Variants in NXPE2 observed in about 807,000 individuals in gnomAD.
The protein encoded by NXPE2 is NXPE family member 2.
NXPE2 carries 34 observed loss-of-function variants against 34.4 expected under a neutral mutation model. The ratio of observed to expected loss-of-function variants is 0.99; its 90% CI spans 0.75 to 1.31. The LOEUF (loss-of-function observed/expected upper bound fraction) is 1.31, where lower values mean the gene tolerates loss of function less well. Ranked by LOEUF, NXPE2 falls within the 40% of genes most tolerant of loss-of-function variation. The pLI is 0.00. For missense variants in NXPE2, 649 were observed against 672.5 expected (o/e 0.97, Z 0.39); for synonymous variants, 235 against 231.3 (o/e 1.02, Z -0.15).
the NXPE2 span, among the ~76,000 whole-genome samples, chr11:114,605,119 G>C: frequency 6.7e-6 from 1 of 149,546 alleles, no homozygotes; most frequent in Admixed American, 6.6e-5. Context: ...CCCTGTGGAA[G>C]ATAAGTGTTG....
chr11:114,627,535 G>T, the NXPE2 span, among the ~76,000 whole-genome samples: 22 of 150,748 alleles, frequency 1.5e-4, no homozygotes, highest in African/African-American at 5.1e-4. Context: ...AACATGGAAA[G>T]GAACAACCGG....
At chr11:114,606,029 G>A in the NXPE2 span, among the ~76,000 whole-genome samples, 153 of 151,752 alleles carry the variant, frequency 1.0e-3, 2 homozygotes, top group Admixed American at 8.4e-3. Flanking sequence ...ACTGTTACCA[G>A]GAGGATAATA....
the NXPE2 span, among the ~76,000 whole-genome samples, chr11:114,605,807 C>T: frequency 2.6e-5 from 4 of 151,620 alleles, no homozygotes; most frequent in African/African-American, 4.9e-5. Flanking sequence ...TCTAGGGTTA[C>T]CACTGTTACG....
the NXPE2 span, among the ~76,000 whole-genome samples, chr11:114,781,787 TACAA>T: frequency 1.3e-5 from 2 of 151,908 alleles, no homozygotes; most frequent in Admixed American, 1.3e-4. Context: ...CCACCAGGAG[TACAA>T]ACAGACTCCC....
chr11:114,691,687 C>T (rs898692079), intron 2 of NXPE2, among the ~76,000 whole-genome samples: 2 of 152,220 alleles, frequency 1.3e-5, no homozygotes, highest in African/African-American at 2.4e-5. Flanking sequence ...CTCCTCTCCA[C>T]GTCCATTCCT....
the NXPE2 span, among the ~76,000 whole-genome samples, chr11:114,614,632 T>G: frequency 6.9e-6 from 1 of 144,644 alleles, no homozygotes. Flanking sequence ...CCTGGTGGAT[T>G]ATAAGTATTG....
chr11:114,608,016 G>A, the NXPE2 span, among the ~76,000 whole-genome samples: 2 of 150,866 alleles, frequency 1.3e-5, no homozygotes, highest in Admixed American at 1.3e-4. Flanking sequence ...TGTTGCCTCA[G>A]GGAAACCACT....
the NXPE2 span, among the ~76,000 whole-genome samples, chr11:114,713,544 T>C: frequency 9.2e-5 from 14 of 152,240 alleles, no homozygotes; most frequent in African/African-American, 3.4e-4. Context: ...TATACATGGG[T>C]TTAACATCCT....
chr11:114,492,979 T>A, the NXPE2 span, among the ~76,000 whole-genome samples: 1 of 152,218 alleles, frequency 6.6e-6, no homozygotes, highest in Admixed American at 6.5e-5. Flanking sequence ...CATATCTGGG[T>A]GCTCCAATGT....
the NXPE2 span, among the ~76,000 whole-genome samples, chr11:114,475,398 C>T: frequency 2.0e-5 from 3 of 152,004 alleles, no homozygotes; most frequent in Middle Eastern, 6.8e-3. Flanking sequence ...TGTGTGTCAC[C>T]ATGCCCACCT....
chr11:114,618,232 A>G, the NXPE2 span, among the ~76,000 whole-genome samples: 137 of 152,080 alleles, frequency 9.0e-4, 2 homozygotes, highest in African/African-American at 3.1e-3. Flanking sequence ...GGAGGATAAT[A>G]AGGATTGTCT....
At chr11:114,642,657 C>T in the NXPE2 span, among the ~76,000 whole-genome samples, 11,639 of 152,130 alleles carry the variant, frequency 0.077, 507 homozygotes, top group South Asian at 0.1. Flanking sequence ...TTTATCCAGT[C>T]TATTATTGAT....
chr11:114,782,298 A>C, the NXPE2 span, among the ~76,000 whole-genome samples: 1 of 152,210 alleles, frequency 6.6e-6, no homozygotes, highest in African/African-American at 2.4e-5. Context: ...GGCCTGAGTG[A>C]TAACCTGTGC....
the NXPE2 span, among the ~76,000 whole-genome samples, chr11:114,639,467 GC>G: frequency 6.6e-6 from 1 of 151,456 alleles, no homozygotes; most frequent in East Asian, 1.9e-4. Flanking sequence ...ACGCTGCGCT[GC>G]CCCCACTGTC....
the NXPE2 span, among the ~76,000 whole-genome samples, chr11:114,787,839 C>T: frequency 6.6e-6 from 1 of 152,098 alleles, no homozygotes; most frequent in African/African-American, 2.4e-5. Context: ...TGCCCGTGTC[C>T]ATCCCCCATT....
At chr11:114,784,782 A>G in the NXPE2 span, among the ~76,000 whole-genome samples, 2 of 152,198 alleles carry the variant, frequency 1.3e-5, no homozygotes, top group Non-Finnish European at 2.9e-5. Flanking sequence ...CAAATAGTGC[A>G]GGCCCCAAAT....
chr11:114,653,653 G>A, the NXPE2 span, among the ~76,000 whole-genome samples: 1 of 149,512 alleles, frequency 6.7e-6, no homozygotes, highest in East Asian at 2.0e-4. Flanking sequence ...TTAGCCTCCC[G>A]AGTAGCTGGG....
At chr11:114,596,960 C>T in the NXPE2 span, among the ~76,000 whole-genome samples, 1 of 152,168 alleles carries the variant, frequency 6.6e-6, no homozygotes, top group Admixed American at 6.5e-5. Flanking sequence ...TGAAACAGGG[C>T]TGAATCCAAG....
At chr11:114,632,148 TG>T in the NXPE2 span, among the ~76,000 whole-genome samples, 1 of 142,902 alleles carries the variant, frequency 7.0e-6, no homozygotes, top group Non-Finnish European at 1.5e-5. Flanking sequence ...TAATTTATTA[TG>T]TTATAAATAA....
Sources: allele counts gnomAD v4.1 joint callset (sites outside exome capture counted in the v4.1 genomes callset), GRCh38; gene constraint gnomAD v4.1.1; transcripts MANE v1.5; gene names NCBI Gene and HGNC (gene_info 2026-07-23, HGNC 2026-07-21).